Variants in ZBED4 observed in about 807,000 individuals in gnomAD.
ZBED4 encodes the protein zinc finger BED domain-containing protein 4.
A neutral mutation model predicts 15.5 loss-of-function variants in ZBED4; 4 were observed. The observed-to-expected ratio is 0.26, with a 90% confidence interval of 0.13 to 0.59. The LOEUF (loss-of-function observed/expected upper bound fraction) is 0.59. Among genes scored for constraint, ZBED4 ranks in the 20% least tolerant of loss-of-function variants. The pLI is 0.90. For synonymous variants in ZBED4, 692 were observed against 608.5 expected, an observed-to-expected ratio of 1.14 and a Z score of -2.02; for missense variants, 1,323 against 1,461.8, an observed-to-expected ratio of 0.91 and a Z score of 1.55.
At chr22:49,869,347 C>T (rs7286532) in intron 1 of ZBED4, among the ~76,000 whole-genome samples, 8,606 of 152,220 alleles carry the variant, frequency 0.057, 664 homozygotes, top group African/African-American at 0.18. Flanking sequence ...ACCTCGTACC[C>T]GCGTGGTGGT....
At chr22:49,879,535 ATTAT>A (rs1272429451) in intron 1 of ZBED4, among the ~76,000 whole-genome samples, 3 of 149,008 alleles carry the variant, frequency 2.0e-5, no homozygotes, top group African/African-American at 7.3e-5. Context: ...CACTAATTTT[ATTAT>A]TTGTCTTATG....
At chr22:49,855,208 C>T (rs1382674231) in intron 1 of ZBED4, among the ~76,000 whole-genome samples, 1 of 152,074 alleles carries the variant, frequency 6.6e-6, no homozygotes, top group Non-Finnish European at 1.5e-5. Flanking sequence ...AAGAAAAGAT[C>T]TAGCACAAGT....
intron 1 of ZBED4, among the ~76,000 whole-genome samples, chr22:49,863,604 G>A (rs1354477169): frequency 4.0e-5 from 6 of 151,080 alleles, no homozygotes; most frequent in Admixed American, 2.0e-4. Context: ...TCCAGCCTGG[G>A]GACAGAGCGA....
At chr22:49,880,879 T>G (rs2060405519) in intron 1 of ZBED4, among the ~76,000 whole-genome samples, 1 of 152,308 alleles carries the variant, frequency 6.6e-6, no homozygotes, top group South Asian at 2.1e-4. Flanking sequence ...ATTTCTCCAT[T>G]TGTTTAAAAG....
intron 1 of ZBED4, among the ~76,000 whole-genome samples, chr22:49,872,224 C>G (rs1468229637): frequency 1.3e-5 from 2 of 152,210 alleles, no homozygotes; most frequent in East Asian, 3.8e-4. Flanking sequence ...TCTTTATTGT[C>G]ATTTTAACAG....
chr22:49,875,935 A>AT (rs561181540), intron 1 of ZBED4, among the ~76,000 whole-genome samples: 12 of 87,658 alleles, frequency 1.4e-4, no homozygotes, highest in South Asian at 7.3e-4. Context: ...GGTTTCATTG[A>AT]TTTTTTTTCT....
chr22:49,876,302 GTGT>G (rs1445005659), intron 1 of ZBED4, among the ~76,000 whole-genome samples: 1 of 152,154 alleles, frequency 6.6e-6, no homozygotes, highest in Non-Finnish European at 1.5e-5. Flanking sequence ...TTGGATAATA[GTGT>G]TGTTTGAATC....
rs762408365 is a variant in ZBED4, at chr22:49,885,586, G to A, written c.1924G>A (p.Asp642Asn). 1.2e-6 allele frequency: 2 copies of A among 1,605,598 alleles called. No homozygotes were observed. ...AGAATTATCAGGCGCTTCCTCTTTT[G>A]ATGACACCAATGAGAAGTTTTACGA... Reference protein sequence around the residue: ...GTELSGASSFDDTNEKFYDSH... With the variant: ...GTELSGASSFNDTNEKFYDSH... Residue 642 changes from aspartate to asparagine, a missense_variant, in exon 2 of 2, where the codon GAT becomes AAT. Transcript: ENST00000216268.
At chr22:49,864,983 T>C (rs1317996594) in intron 1 of ZBED4, among the ~76,000 whole-genome samples, 1 of 111,958 alleles carries the variant, frequency 8.9e-6, no homozygotes, top group Non-Finnish European at 1.6e-5. Context: ...GTCCAGCTAT[T>C]GTGCTGTGTT....
intron 1 of ZBED4, among the ~76,000 whole-genome samples, chr22:49,874,388 A>AT (rs539781070): frequency 0.052 from 7,454 of 143,126 alleles, 557 homozygotes; most frequent in African/African-American, 0.17. Context: ...TATTGTTTTA[A>AT]TTTTTTTTTT....
intron 1 of ZBED4, among the ~76,000 whole-genome samples, chr22:49,858,438 T>C (rs12484014): frequency 6.6e-6 from 1 of 152,206 alleles, no homozygotes; most frequent in Admixed American, 6.5e-5. Context: ...CTGGGTATAC[T>C]CGACAGCTTG....
chr22:49,887,137 T>C lies in ZBED4; in HGVS notation c.3475T>C (p.Phe1159Leu). The C allele has an allele frequency of 6.2e-7, 1 of 1,613,224 alleles. No individual in the cohort carries two copies. Among genetic ancestry groups the C allele is most frequent in the Non-Finnish European group, 8.5e-7 (1 of 1,179,656 alleles). ...LMMEHFEKLI[F>L]LKVNLPLIYF... is the part of the protein sequence containing the mutation. ...GATGGAACATTTTGAAAAACTTATC[T>C]TTTTGAAAGTGAATCTTCCCTTAAT... The change falls in exon 2 of 2, where the codon TTT (phenylalanine) becomes CTT (leucine). Residue 1159 changes from phenylalanine (F) to leucine (L), a missense_variant. By Grantham distance (22) the Phe-to-Leu change is conservative. This residue lies in a region of ZBED4 where 312 missense variants were observed against 410.7 expected (regional missense o/e 0.76). Coordinates refer to ENST00000216268, the MANE Select transcript of ZBED4 (RefSeq NM_014838.3).
At chr22:49,880,610 C>A (rs1041970713) in intron 1 of ZBED4, among the ~76,000 whole-genome samples, 2 of 152,250 alleles carry the variant, frequency 1.3e-5, no homozygotes, top group South Asian at 4.1e-4. Context: ...TATGAGTTGT[C>A]TGAGGTCAAC....
Position 49,865,516 on chromosome 22 carries a change from G to A in ZBED4, c.-330+11527G>A, listed in dbSNP as rs529658074. Among the ~76,000 whole-genome samples the A allele has an allele frequency of 5.3e-5, 8 of 151,830 alleles. No individual in the cohort carries two copies. The South Asian group carries it at 8.3e-4, about 16-fold the overall frequency. On this transcript the variant is annotated intron_variant, in intron 1 of 1. Transcript: ENST00000216268. ...TACAAAAAAAAAAAAATAATAACCC[G>A]TCTCTATTAAAATACAGGTGTGGTG...
intron 1 of ZBED4, among the ~76,000 whole-genome samples, chr22:49,875,998 A>G (rs73441787): frequency 0.12 from 17,075 of 146,048 alleles, 1,337 homozygotes; most frequent in African/African-American, 0.22. Context: ...CTTGCTGCTT[A>G]CTTTGGGATT....
chr22:49,863,351 G>A (rs1438765422), intron 1 of ZBED4, among the ~76,000 whole-genome samples: 2 of 152,186 alleles, frequency 1.3e-5, no homozygotes, highest in Non-Finnish European at 2.9e-5. Context: ...TTTGTAGGCC[G>A]GGTGTGGTGG....
In ZBED4 at chr22:49,883,685, G is replaced by T. The variant is rs200981350; in HGVS notation, c.23G>T (p.Cys8Phe). The T allele has an allele frequency of 2.4e-4, 387 of 1,590,582 alleles. No homozygotes were observed. The highest frequency in any genetic ancestry group is 1.1e-4 in the Non-Finnish European group (124 of 1,164,012). ...GTCATGGAGAATAACTTGAAAACTT[G>T]TCCCAAAGAGGACGGTGATTTCGTT... MENNLKT[C>F]PKEDGDFVSD... The change falls in exon 2 of 2, where the codon TGT (cysteine) becomes TTT (phenylalanine). Residue 8 changes from cysteine to phenylalanine, a missense_variant. Cys to Phe is a radical substitution (Grantham distance 205). Around this residue, in one of 6 missense-constraint regions of ZBED4, gnomAD observed 380 missense variants for 413.7 expected, o/e 0.92. Coordinates refer to ENST00000216268, the MANE Select transcript of ZBED4 (RefSeq NM_014838.3).
intron 1 of ZBED4, among the ~76,000 whole-genome samples, chr22:49,878,837 A>G (rs1417984138): frequency 1.3e-5 from 2 of 152,078 alleles, no homozygotes; most frequent in African/African-American, 4.8e-5. Flanking sequence ...GTCTCTACTA[A>G]AAATAAAAAA....
At chr22:49,876,317 TC>T (rs1347110345) in intron 1 of ZBED4, among the ~76,000 whole-genome samples, 1 of 152,210 alleles carries the variant, frequency 6.6e-6, no homozygotes, top group Non-Finnish European at 1.5e-5. Flanking sequence ...GTTTGAATCT[TC>T]CGTGTCTTTA....
Sources: gnomAD v4.1 joint callset for allele counts (sites outside exome capture counted in the v4.1 genomes callset) on GRCh38, gnomAD v4.1.1 for gene constraint, gnomAD v4.1.1 regional missense constraint, MANE v1.5 for transcripts, NCBI Gene and HGNC (gene_info 2026-07-23, HGNC 2026-07-21) for gene names.